Variants in CDC42BPA observed in about 807,000 individuals in gnomAD.
The protein encoded by CDC42BPA is serine/threonine-protein kinase MRCK alpha.
In CDC42BPA, 80 loss-of-function variants were observed where a neutral mutation model predicts 223.5. The observed-to-expected ratio is 0.36, with a 90% confidence interval of 0.30 to 0.43. CDC42BPA has a LOEUF of 0.43. CDC42BPA is among the 20% of genes least tolerant of loss of function. The probability of loss-of-function intolerance (pLI) is 1.00; values close to 1 mark genes in which losing one functional copy is unlikely to be tolerated. For synonymous variants in CDC42BPA, 694 were observed against 718.6 expected (o/e 0.97, Z 0.55); for missense variants, 1,743 against 2,099.9 (o/e 0.83, Z 3.32).
intron 11 of CDC42BPA, among the ~76,000 whole-genome samples, chr1:227,128,576 T>C (rs747209823): frequency 6.6e-6 from 1 of 152,172 alleles, no homozygotes; most frequent in Non-Finnish European, 1.5e-5. Flanking sequence ...AATATATTTA[T>C]TGAAAAAATG....
chr1:227,179,033 A>G (rs148519132), intron 5 of CDC42BPA, among the ~76,000 whole-genome samples: 2,511 of 152,256 alleles, frequency 0.016, 30 homozygotes, highest in Non-Finnish European at 0.027. Flanking sequence ...CTACAACATG[A>G]CTGAATCTTG....
chr1:227,017,972 G>A (rs1413567602), intron 32 of CDC42BPA, among the ~76,000 whole-genome samples: 1 of 151,644 alleles, frequency 6.6e-6, no homozygotes, highest in Non-Finnish European at 1.5e-5. Flanking sequence ...CATGATCCTC[G>A]TGGCATAATC....
chr1:227,126,792 C>A (rs1689741918), intron 11 of CDC42BPA, among the ~76,000 whole-genome samples: 1 of 152,002 alleles, frequency 6.6e-6, no homozygotes, highest in African/African-American at 2.4e-5. Context: ...AATTCAGCAC[C>A]CATTAATGAT....
chr1:227,249,166 C>T (rs966231413), intron 2 of CDC42BPA, among the ~76,000 whole-genome samples: 1 of 151,944 alleles, frequency 6.6e-6, no homozygotes, highest in Non-Finnish European at 1.5e-5. Flanking sequence ...AACAACGGTG[C>T]CAAGAATGTT....
chr1:227,271,982 G>A (rs542673925), intron 1 of CDC42BPA, among the ~76,000 whole-genome samples: 1 of 152,230 alleles, frequency 6.6e-6, no homozygotes, highest in East Asian at 1.9e-4. Context: ...CTAAGTAAAT[G>A]TATTTCTATC....
chr1:227,070,216 A>C (rs1677990384), intron 20 of CDC42BPA, among the ~76,000 whole-genome samples: 1 of 151,866 alleles, frequency 6.6e-6, no homozygotes, highest in Non-Finnish European at 1.5e-5. Context: ...AAACAGGCTT[A>C]TGTTTTGAAA....
At chr1:227,157,774 T>C (rs948791033) in intron 6 of CDC42BPA, among the ~76,000 whole-genome samples, 2 of 152,094 alleles carry the variant, frequency 1.3e-5, no homozygotes, top group Non-Finnish European at 2.9e-5. Flanking sequence ...GTCTTCAAGT[T>C]CACTGGCTGT....
intron 30 of CDC42BPA, among the ~76,000 whole-genome samples, chr1:227,027,671 A>G (rs1025751582): frequency 6.6e-6 from 1 of 152,114 alleles, no homozygotes; most frequent in African/African-American, 2.4e-5. Flanking sequence ...TACTGCAACT[A>G]CTTGCTTTAT....
At chr1:227,312,218 G>A (rs1380466271) in intron 1 of CDC42BPA, among the ~76,000 whole-genome samples, 1 of 151,930 alleles carries the variant, frequency 6.6e-6, no homozygotes, top group African/African-American at 2.4e-5. Flanking sequence ...ACCAGCAGGA[G>A]AAAAACAATG....
chr1:227,134,073 A>C (rs1370042025), intron 10 of CDC42BPA, among the ~76,000 whole-genome samples: 2 of 152,202 alleles, frequency 1.3e-5, no homozygotes, highest in Non-Finnish European at 2.9e-5. Context: ...TCATCTGTAC[A>C]GCTTACTACT....
chr1:227,090,865 A>G (rs530736751), intron 16 of CDC42BPA, among the ~76,000 whole-genome samples: 13 of 152,354 alleles, frequency 8.5e-5, no homozygotes, highest in Middle Eastern at 3.4e-3. Context: ...ACTGCTTGCT[A>G]GGAATTAGCA....
intron 2 of CDC42BPA, among the ~76,000 whole-genome samples, chr1:227,218,132 A>G (rs2670452): frequency 0.31 from 47,556 of 152,082 alleles, 7,631 homozygotes; most frequent in East Asian, 0.37. Flanking sequence ...CAAAGTTTAC[A>G]GCATCAATAT....
At chr1:227,292,548 A>C (rs547003232) in intron 1 of CDC42BPA, among the ~76,000 whole-genome samples, 120 of 152,340 alleles carry the variant, frequency 7.9e-4, no homozygotes, top group Middle Eastern at 3.4e-3. Context: ...CACTGAATTA[A>C]AATCATCTTT....
intron 2 of CDC42BPA, among the ~76,000 whole-genome samples, chr1:227,249,851 C>A (rs982238026): frequency 4.0e-5 from 6 of 151,238 alleles, no homozygotes; most frequent in Non-Finnish European, 8.8e-5. Context: ...TTAATGAGTA[C>A]AAAAAAAACA....
At position 227,031,497 on chromosome 1, in the gene CDC42BPA, G is replaced by A. The variant is rs747799327; in HGVS notation, c.3576C>T (p.Leu1192=). ...PCIFRVTASQ[L]SASNNKCSIL... ...TTGAACATTTGTTATTAGATGCTGA[G>A]AGCTGGGAAGCTGTGACCTAGAACA... Residue 1192 remains leucine, a synonymous_variant, in exon 28 of 37, where the codon CTC becomes CTT. Coordinates refer to ENST00000366766, the MANE Select transcript of CDC42BPA (RefSeq NM_001394014.1). 3 of 1,613,752 alleles carry A rather than the reference G, an allele frequency of 1.9e-6. No homozygotes were observed. Among genetic ancestry groups the A allele is most frequent in the Non-Finnish European group, 2.5e-6 (3 of 1,179,856 alleles).
intron 5 of CDC42BPA, 28 bp downstream of exon 5, chr1:227,193,758 A>T: frequency 6.5e-7 from 1 of 1,543,808 alleles, no homozygotes; most frequent in South Asian, 1.3e-5. Flanking sequence ...GGTAACTCAC[A>T]GCCAGGTACA....
In CDC42BPA at chr1:227,179,053, T is replaced by C. The variant is rs1019645202; in HGVS notation, c.599+14733A>G. Among the ~76,000 whole-genome samples, 6 of 152,278 alleles carry C rather than the reference T, an allele frequency of 3.9e-5. No homozygotes were observed. In the South Asian group the frequency reaches 6.2e-4, roughly 16 times the overall value. ...ACATGACTGAATCTTGAAAACATTA[T>C]GCTAAGTGAAAAAAGCCACTCAGAA... On this transcript the variant is annotated intron_variant, in intron 5 of 36. Coordinates refer to ENST00000366766, the MANE Select transcript of CDC42BPA (RefSeq NM_001394014.1).
chr1:227,159,569 A>C (rs1411656655), intron 6 of CDC42BPA, among the ~76,000 whole-genome samples: 1 of 152,162 alleles, frequency 6.6e-6, no homozygotes, highest in Middle Eastern at 3.2e-3. Flanking sequence ...GTATTATACT[A>C]AACTGTCCTC....
intron 26 of CDC42BPA, among the ~76,000 whole-genome samples, chr1:227,034,082 G>A (rs2148691254): frequency 6.6e-6 from 1 of 152,278 alleles, no homozygotes; most frequent in African/African-American, 2.4e-5. Context: ...AGCAATGGAT[G>A]GATATATCTG....
Sources: allele counts gnomAD v4.1 joint callset (sites outside exome capture counted in the v4.1 genomes callset), GRCh38; gene constraint gnomAD v4.1.1; transcripts MANE v1.5; gene names NCBI Gene and HGNC (gene_info 2026-07-23, HGNC 2026-07-21).